The following EFR3B variants were observed in gnomAD, a reference collection of about 807,000 sequenced individuals.
EFR3B encodes the protein EFR3 homolog B.
A neutral mutation model predicts 104.7 loss-of-function variants in EFR3B; 64 were observed. The observed-to-expected ratio is 0.61, with a 90% CI of 0.50 to 0.75. The LOEUF (loss-of-function observed/expected upper bound fraction) is 0.75, where lower values mean the gene tolerates loss of function less well. EFR3B is among the 30% of genes least tolerant of loss of function. The pLI, the probability that EFR3B is intolerant of heterozygous loss-of-function variation, is 0.00. For synonymous variants in EFR3B, 385 were observed against 417.9 expected, an observed-to-expected ratio of 0.92 and a Z score of 0.96; for missense variants, 750 against 1,078.5, an observed-to-expected ratio of 0.70 and a Z score of 4.27.
chr2:25,135,665 C>G, intron 13 of EFR3B, 26 bp downstream of exon 13: 5 of 1,551,410 alleles, frequency 3.2e-6, no homozygotes, highest in Non-Finnish European at 4.4e-6. Flanking sequence ...CTCCTCCAGG[C>G]AATGCAAGAT....
At chr2:25,073,122 C>A (rs1453350984) in intron 1 of EFR3B, among the ~76,000 whole-genome samples, 2 of 152,104 alleles carry the variant, frequency 1.3e-5, no homozygotes, top group Non-Finnish European at 2.9e-5. Flanking sequence ...CAATTCAACA[C>A]CCAGATAAAC....
At chr2:25,063,610 C>T (rs911145748) in intron 1 of EFR3B, among the ~76,000 whole-genome samples, 6 of 152,122 alleles carry the variant, frequency 3.9e-5, no homozygotes, top group African/African-American at 7.2e-5. Context: ...AAAATGGAGA[C>T]GATAGACCCC....
intron 1 of EFR3B, among the ~76,000 whole-genome samples, chr2:25,048,641 A>G (rs1667784666): frequency 6.6e-6 from 1 of 152,190 alleles, no homozygotes; most frequent in Admixed American, 6.5e-5. Flanking sequence ...CCAGTATAAT[A>G]CAATATATAA....
rs955096999 is a variant in EFR3B, at chr2:25,042,383, G to A, written c.7+64G>A. The A allele has an allele frequency of 3.3e-5, 41 of 1,235,198 alleles. No individual in the cohort carries two copies. The highest frequency in any genetic ancestry group is 1.6e-5 in the African/African-American group (1 of 64,070). 76.5% of individuals were successfully genotyped at this position (1,235,198 alleles called of 1,614,324 possible). ...GCGACTCCGCAAACTTCCCCGGCGC[G>A]GACCATTGTCCCCCTGCACGGCCCT... is the stretch of plus-strand genomic sequence containing the variant. On this transcript the variant is annotated intron_variant, in intron 1 of 22. Transcript: ENST00000403714. This position sits in a 1 kb window ranked among gnomAD's most constrained non-coding sequence, Gnocchi z 5.4.
At chr2:25,073,920 A>G (rs1220485885) in intron 1 of EFR3B, among the ~76,000 whole-genome samples, 1 of 152,136 alleles carries the variant, frequency 6.6e-6, no homozygotes, top group Non-Finnish European at 1.5e-5. Context: ...TTTGCAACAC[A>G]TAAAACTTTC....
At chr2:25,084,182 G>A (rs1309254963) in intron 1 of EFR3B, among the ~76,000 whole-genome samples, 1 of 151,832 alleles carries the variant, frequency 6.6e-6, no homozygotes, top group Non-Finnish European at 1.5e-5. Flanking sequence ...ATGGGTTTGT[G>A]AACCTCGAAA....
intron 1 of EFR3B, among the ~76,000 whole-genome samples, chr2:25,084,307 G>A (rs982886767): frequency 6.6e-6 from 1 of 151,872 alleles, no homozygotes; most frequent in Admixed American, 6.6e-5. Context: ...TGCGATCTCG[G>A]CTCACTGCAA....
chr2:25,105,990 T>G (rs773125446), intron 4 of EFR3B, among the ~76,000 whole-genome samples: 1 of 152,236 alleles, frequency 6.6e-6, no homozygotes, highest in East Asian at 1.9e-4. Context: ...AGTCAAATAT[T>G]TGCAGTAGCT....
chr2:25,093,073 G>T lies in EFR3B; in HGVS notation c.155G>T (p.Arg52Leu). The T allele has an allele frequency of 6.4e-7, 1 of 1,551,398 alleles. No homozygotes were observed. The highest frequency in any genetic ancestry group is 8.7e-7 in the Non-Finnish European group (1 of 1,147,078). Residue 52 changes from arginine to leucine, a missense_variant, in exon 3 of 23, where the codon CGT (arginine) becomes CTT (leucine). Transcript: ENST00000403714. ...YALSAPEKLD[R>L]IGAYLSERLI... ...CTCTCAGCTCCAGAAAAACTTGATC[G>T]TATTGGCGCCTACCTCTCTGAGAGG...
intron 1 of EFR3B, among the ~76,000 whole-genome samples, chr2:25,059,323 A>G (rs1668114900): frequency 1.3e-5 from 2 of 152,032 alleles, no homozygotes; most frequent in African/African-American, 4.8e-5. Flanking sequence ...ACCTCAGGTG[A>G]TCCACCTGCC....
chr2:25,083,409 G>T (rs1191991575), intron 1 of EFR3B, among the ~76,000 whole-genome samples: 3 of 152,228 alleles, frequency 2.0e-5, no homozygotes, highest in Non-Finnish European at 4.4e-5. Context: ...ACCATCAGAA[G>T]TAAGATGGAA....
chr2:25,136,410 G>A lies in EFR3B; in HGVS notation c.1485-113G>A. The A allele has an allele frequency of 2.6e-6, 2 of 765,208 alleles. No homozygotes were observed. Among genetic ancestry groups the A allele is most frequent in the Non-Finnish European group, 4.3e-6 (2 of 470,352 alleles). The allele number at this position is 765,208 out of a possible 1,614,324, so 47.4% of individuals were successfully genotyped here. ...CGGGCTGAGAACCAGGGCCAGGGGA[G>A]CACTGGAGGCTTTGTACCAACTAAC... On this transcript the variant is annotated intron_variant, in intron 13 of 22. Coordinates refer to ENST00000403714, the MANE Select transcript of EFR3B (RefSeq NM_014971.2). The surrounding 1 kb of genome is among the most constrained non-coding windows in gnomAD (Gnocchi z 4.0).
chr2:25,043,699 G>A (rs1667641193), intron 1 of EFR3B, among the ~76,000 whole-genome samples: 1 of 152,198 alleles, frequency 6.6e-6, no homozygotes, highest in Non-Finnish European at 1.5e-5. Flanking sequence ...GTAAAAAGGC[G>A]GTTATGCTTT....
intron 10 of EFR3B, 73 bp from the exon 11 acceptor site, chr2:25,132,830 A>C: frequency 7.8e-7 from 1 of 1,285,698 alleles, no homozygotes; most frequent in Non-Finnish European, 1.1e-6. Flanking sequence ...CGCTCTCTGC[A>C]GCTGAAAGGC....
intron 4 of EFR3B, among the ~76,000 whole-genome samples, chr2:25,118,951 C>T (rs986566275): frequency 2.0e-5 from 3 of 151,952 alleles, no homozygotes; most frequent in South Asian, 2.1e-4. Context: ...GAATCAGACT[C>T]CCAAACCAGT....
Position 25,130,049 on chromosome 2 carries a change from G to T in EFR3B, c.710G>T (p.Arg237Leu). Residue 237 changes from arginine (R) to leucine (L), a missense_variant, in exon 7 of 23, where the codon CGG (arginine) becomes CTG (leucine). Physicochemically the swap from Arg to Leu is moderately radical, Grantham distance 102. Transcript: ENST00000403714. This position sits in a 1 kb window ranked among gnomAD's most constrained non-coding sequence, Gnocchi z 4.6. Reference protein sequence around the residue: ...SPAELAERCLRELLGRAAFGN... With the variant: ...SPAELAERCLLELLGRAAFGN... ...GCGGAGCTGGCTGAGAGGTGTCTTC[G>T]GGAGCTGCTGGGCCGGGCTGCCTTT... 6.4e-7 allele frequency: 1 copy of T among 1,551,764 alleles called. No individual in the cohort carries two copies. The highest frequency in any genetic ancestry group is 8.7e-7 in the Non-Finnish European group (1 of 1,147,012).
At chr2:25,152,213 A>G (rs1417449278) in intron 21 of EFR3B, among the ~76,000 whole-genome samples, 193 bp downstream of exon 21, 5 of 146,982 alleles carry the variant, frequency 3.4e-5, no homozygotes, top group African/African-American at 5.1e-5. Flanking sequence ...TTTCCCCAAC[A>G]CCCTGGCGCT....
rs1344773747 is a variant in EFR3B, at chr2:25,114,575, C to T, written c.364-7098C>T. On this transcript the variant is annotated intron_variant, in intron 4 of 22. Transcript: ENST00000403714. The surrounding 1 kb of genome is among the most constrained non-coding windows in gnomAD (Gnocchi z 4.0). ...ATGGTCAACAGCCCGAGCCTCAAGTCTGCAACCTCCTAGGCAGTCCTGGGC... is the reference window on the plus strand; with the variant it reads ...ATGGTCAACAGCCCGAGCCTCAAGTTTGCAACCTCCTAGGCAGTCCTGGGC... Among the ~76,000 whole-genome samples the T allele has an allele frequency of 6.6e-6, 1 of 152,154 alleles. No individual in the cohort carries two copies. Among genetic ancestry groups the T allele is most frequent in the Middle Eastern group, 3.2e-3 (1 of 316 alleles).
chr2:25,097,380 A>G (rs376020785), intron 3 of EFR3B, among the ~76,000 whole-genome samples: 37 of 152,140 alleles, frequency 2.4e-4, no homozygotes, highest in East Asian at 1.9e-3. Context: ...CTTCCTCATC[A>G]CTGATGGCAG....
Sources: gnomAD v4.1 joint callset for allele counts (sites outside exome capture counted in the v4.1 genomes callset) on GRCh38, gnomAD v4.1.1 for gene constraint, Gnocchi (gnomAD v3.1) non-coding constraint, MANE v1.5 for transcripts, NCBI Gene and HGNC (gene_info 2026-07-23, HGNC 2026-07-21) for gene names.